LRRC63: variants seen among roughly 807,000 people sequenced by gnomAD.
LRRC63 encodes leucine-rich repeat-containing protein 63.
LRRC63 carries 40 observed loss-of-function variants against 49.5 expected under a neutral mutation model. The ratio of observed to expected loss-of-function variants is 0.81; its 90% confidence interval spans 0.63 to 1.05. The LOEUF (loss-of-function observed/expected upper bound fraction) is 1.05, where lower values mean the gene tolerates loss of function less well. Among genes scored for constraint, LRRC63 ranks in the 50% least tolerant of loss-of-function variants. The probability of loss-of-function intolerance (pLI) is 0.00; values close to 1 mark genes in which losing one functional copy is unlikely to be tolerated. For missense variants in LRRC63, 636 were observed against 663.1 expected (o/e 0.96, Z 0.45); for synonymous variants, 191 against 221.1 (o/e 0.86, Z 1.21).
Position 46,260,842 on chromosome 13 carries a change from C to T in LRRC63, c.1227-1067C>T, listed in dbSNP as rs2047603005. Reference sequence around the variant, plus strand: ...GCAAGCTGGACAAGTAGCATGGGACCAGATCATGAGGACCTTTATATGCCA... The same window carrying T: ...GCAAGCTGGACAAGTAGCATGGGACTAGATCATGAGGACCTTTATATGCCA... On this transcript the variant is annotated intron_variant, in intron 7 of 9. Transcript: ENST00000595396. Among the ~76,000 whole-genome samples the T allele has an allele frequency of 3.3e-5, 5 of 152,294 alleles. 1 individual carries two copies. In the South Asian group the frequency reaches 1.0e-3, roughly 32 times the overall value.
chr13:46,273,601 T>TAAA (rs66994107), intron 9 of LRRC63, among the ~76,000 whole-genome samples: 1,918 of 109,394 alleles, frequency 0.018, 69 homozygotes, highest in African/African-American at 0.062. Flanking sequence ...GAATCTGCCT[T>TAAA]AAAAAAAAAA....
At chr13:46,268,674 A>C (rs2047713955) in intron 9 of LRRC63, among the ~76,000 whole-genome samples, 1 of 151,738 alleles carries the variant, frequency 6.6e-6, no homozygotes, top group Admixed American at 6.6e-5. Context: ...AAACCAAAAC[A>C]GAATTTACTC....
At chr13:46,239,714 G>A (rs1216716) in intron 5 of LRRC63, among the ~76,000 whole-genome samples, 52,146 of 151,806 alleles carry the variant, frequency 0.34, 9,472 homozygotes, top group African/African-American at 0.44. Flanking sequence ...AAAACTTTAG[G>A]CCAATATTCT....
At chr13:46,226,768 G>C (rs2046589284) in intron 2 of LRRC63, among the ~76,000 whole-genome samples, 1 of 152,154 alleles carries the variant, frequency 6.6e-6, no homozygotes, top group South Asian at 2.1e-4. Flanking sequence ...AAAGGGTGAA[G>C]TGTTGAAGGA....
intron 5 of LRRC63, among the ~76,000 whole-genome samples, chr13:46,240,293 A>ATT (rs36090505): frequency 1.3e-5 from 2 of 151,292 alleles, no homozygotes; most frequent in African/African-American, 4.9e-5. Context: ...CGCTTGGCTA[A>ATT]TTTTTTTGTA....
At chr13:46,218,677 A>G (rs1326018423) in intron 2 of LRRC63, among the ~76,000 whole-genome samples, 2 of 152,018 alleles carry the variant, frequency 1.3e-5, no homozygotes, top group African/African-American at 4.8e-5. Flanking sequence ...CCTTTAGTTG[A>G]TGCAGTTTCT....
At chr13:46,270,944 G>A (rs1342793034) in intron 9 of LRRC63, among the ~76,000 whole-genome samples, 1 of 152,154 alleles carries the variant, frequency 6.6e-6, no homozygotes, top group Non-Finnish European at 1.5e-5. Flanking sequence ...AGAAAGTATA[G>A]AAAAGTTTTA....
chr13:46,256,486 T>C (rs2047512881), intron 7 of LRRC63, among the ~76,000 whole-genome samples: 1 of 152,236 alleles, frequency 6.6e-6, no homozygotes, highest in Non-Finnish European at 1.5e-5. Context: ...CTGCTGATTA[T>C]TCCCAGGCCT....
intron 5 of LRRC63, among the ~76,000 whole-genome samples, chr13:46,238,094 G>A (rs1355017702): frequency 6.6e-6 from 1 of 152,064 alleles, no homozygotes; most frequent in Non-Finnish European, 1.5e-5. Context: ...AATTCAACAA[G>A]AAGACATAAC....
chr13:46,224,708 A>G (rs2046517778), intron 2 of LRRC63, among the ~76,000 whole-genome samples: 1 of 152,114 alleles, frequency 6.6e-6, no homozygotes, highest in Non-Finnish European at 1.5e-5. Context: ...CTATTTTTTA[A>G]TTCACTTCCA....
chr13:46,240,939 C>T (rs1028645515), intron 5 of LRRC63, among the ~76,000 whole-genome samples: 1 of 152,182 alleles, frequency 6.6e-6, no homozygotes, highest in African/African-American at 2.4e-5. Flanking sequence ...AATGCTATTC[C>T]TGTTAAACTA....
chr13:46,225,360 A>G (rs1439211483), intron 2 of LRRC63, among the ~76,000 whole-genome samples: 1 of 152,216 alleles, frequency 6.6e-6, no homozygotes, highest in African/African-American at 2.4e-5. Flanking sequence ...AGCCTCAGTC[A>G]AGCAGGTCTC....
In LRRC63 at chr13:46,258,715, G is replaced by T. The variant is rs564021130; in HGVS notation, c.1227-3194G>T. 3.1e-4 allele frequency among the ~76,000 whole-genome samples: 47 copies of T among 150,270 alleles called. 2 individuals are homozygous for T. The highest frequency in any genetic ancestry group is 2.7e-3 in the South Asian group (13 of 4,734). On this transcript the variant is annotated intron_variant, in intron 7 of 9. Transcript: ENST00000595396. ...CCCAGCTACTCAGGAGGCTGAGGCAGGAGAATCGCTTGAACCAGGGGAGTT... is the reference window on the plus strand; with the variant it reads ...CCCAGCTACTCAGGAGGCTGAGGCATGAGAATCGCTTGAACCAGGGGAGTT...
intron 4 of LRRC63, among the ~76,000 whole-genome samples, chr13:46,229,169 T>C (rs2046669489): frequency 6.6e-6 from 1 of 152,086 alleles, no homozygotes; most frequent in African/African-American, 2.4e-5. Context: ...ACAAAATGAA[T>C]GAAAACTAGC....
chr13:46,248,006 G>A (rs1172276247), intron 6 of LRRC63, among the ~76,000 whole-genome samples: 1 of 151,994 alleles, frequency 6.6e-6, no homozygotes, highest in Non-Finnish European at 1.5e-5. Context: ...AGAAGGAATT[G>A]AATATGTATG....
intron 2 of LRRC63, among the ~76,000 whole-genome samples, chr13:46,216,723 T>A (rs982624136): frequency 1.3e-5 from 2 of 152,354 alleles, no homozygotes; most frequent in Admixed American, 6.5e-5. Flanking sequence ...CCATTCAGTA[T>A]GATATTGGTT....
At chr13:46,213,439 G>A (rs2046153200) in intron 2 of LRRC63, among the ~76,000 whole-genome samples, 1 of 152,220 alleles carries the variant, frequency 6.6e-6, no homozygotes, top group Admixed American at 6.5e-5. Context: ...AGCTGAGGTG[G>A]AACAAGGCTA....
exon 6 of LRRC63, chr13:46,246,591 T>C: frequency 6.8e-7 from 1 of 1,472,230 alleles, no homozygotes. Context: ...TATCTTAATT[T>C]ATCATTTAAT....
chr13:46,249,414 T>G (rs1013437669), intron 6 of LRRC63, among the ~76,000 whole-genome samples: 1 of 151,826 alleles, frequency 6.6e-6, no homozygotes, highest in African/African-American at 2.4e-5. Context: ...AGAAGACTTA[T>G]GTTACTAAAG....
Sources: gnomAD v4.1 joint callset for allele counts (sites outside exome capture counted in the v4.1 genomes callset) on GRCh38, gnomAD v4.1.1 for gene constraint, MANE v1.5 for transcripts, NCBI Gene and HGNC (gene_info 2026-07-23, HGNC 2026-07-21) for gene names.